The following TCF4 variants were observed in gnomAD, a reference collection of about 807,000 sequenced individuals.
TCF4 encodes the protein transcription factor 4.
Under a neutral mutation model 82.1 loss-of-function variants are expected in TCF4, and 3 were observed. That is an observed-to-expected ratio of 0.04 (90% CI 0.02 to 0.09). The LOEUF is 0.09. Among genes scored for constraint, TCF4 ranks in the 10% least tolerant of loss-of-function variants. The pLI is 1.00. For synonymous variants in TCF4, 276 were observed against 309.6 expected (o/e 0.89, Z 1.14); for missense variants, 518 against 852.7 (o/e 0.61, Z 4.89).
chr18:55,419,729 G>T (rs549046821), intron 5 of TCF4, among the ~76,000 whole-genome samples: 2 of 152,082 alleles, frequency 1.3e-5, no homozygotes, highest in East Asian at 3.9e-4. Context: ...GCTTTGATAC[G>T]CAAATGTTCT....
At chr18:55,489,285 G>C (rs1344174460) in intron 3 of TCF4, among the ~76,000 whole-genome samples, 5 of 152,136 alleles carry the variant, frequency 3.3e-5, no homozygotes, top group Admixed American at 1.3e-4. Context: ...CCAAAAGTCT[G>C]AATTTCACCA....
intron 3 of TCF4, among the ~76,000 whole-genome samples, chr18:55,539,181 A>G (rs1436247075): frequency 6.6e-6 from 1 of 152,174 alleles, no homozygotes; most frequent in Non-Finnish European, 1.5e-5. Context: ...TAGCAGATCT[A>G]TGGGCCCTAA....
intron 3 of TCF4, among the ~76,000 whole-genome samples, chr18:55,512,111 C>T (rs143696841): frequency 1.9e-3 from 289 of 152,156 alleles, no homozygotes; most frequent in African/African-American, 6.6e-3. Context: ...AAAAATAATA[C>T]AAATTGGCAC....
At chr18:55,587,337 CAAAAAAAAAAAAAAAAAAAAAAAAAAA>C (rs1159348981) in intron 1 of TCF4, 6 of 5,800 alleles carry the variant, frequency 1.0e-3, no homozygotes, top group East Asian at 4.6e-3. Flanking sequence ...GCAGCAATAG[CAAAAAAAAAAAAAAAAAAAAAAAAAAA>C]AAAAAAAAAA....
chr18:55,488,560 G>A (rs534802641), intron 3 of TCF4, among the ~76,000 whole-genome samples: 2 of 151,782 alleles, frequency 1.3e-5, no homozygotes, highest in African/African-American at 4.8e-5. Context: ...CACAACTTAA[G>A]CTGCAGCTCT....
intron 5 of TCF4, among the ~76,000 whole-genome samples, chr18:55,440,773 CGTAA>C (rs1170454340): frequency 6.6e-6 from 1 of 152,172 alleles, no homozygotes; most frequent in Non-Finnish European, 1.5e-5. Context: ...CCTCTTTCTT[CGTAA>C]GTAATTGCTC....
chr18:55,479,762 G>T (rs916858991), intron 3 of TCF4, among the ~76,000 whole-genome samples: 2 of 152,162 alleles, frequency 1.3e-5, no homozygotes, highest in African/African-American at 4.8e-5. Flanking sequence ...ATAACCCTCT[G>T]CAGTGTTAAG....
At position 55,537,003 on chromosome 18, in the gene TCF4, G is replaced by A. The variant is rs186739124; in HGVS notation, c.145+48277C>T. On this transcript the variant is annotated intron_variant, in intron 3 of 19. Transcript: ENST00000354452. ...CAGAAAATTAGCCGGGTGTGGTGGC[G>A]GGCGCCTGTAGTCCCAGCTACTGGA... is the stretch of plus-strand genomic sequence containing the variant. Among the ~76,000 whole-genome samples, 421 of 151,950 alleles carry A rather than the reference G, an allele frequency of 2.8e-3. 8 individuals are homozygous for A. The highest frequency in any genetic ancestry group is 0.024 in the Admixed American group (362 of 15,264).
At chr18:55,507,990 A>G (rs1196725177) in intron 3 of TCF4, among the ~76,000 whole-genome samples, 1 of 152,186 alleles carries the variant, frequency 6.6e-6, no homozygotes, top group Non-Finnish European at 1.5e-5. Context: ...TGTGTTGCCT[A>G]TAAAGTCTCA....
intron 11 of TCF4, among the ~76,000 whole-genome samples, chr18:55,262,152 G>A (rs2058201251): frequency 6.6e-6 from 1 of 152,102 alleles, no homozygotes; most frequent in Non-Finnish European, 1.5e-5. Context: ...AAGTCAATAT[G>A]GCCTCGAATT....
In TCF4 at chr18:55,262,770, T is replaced by C. The variant is rs909257515; in HGVS notation, c.923-1237A>G. Among the ~76,000 whole-genome samples, 4 of 152,152 alleles carry C rather than the reference T, an allele frequency of 2.6e-5. No homozygotes were observed. In the South Asian group the frequency reaches 6.2e-4, roughly 24 times the overall value. On this transcript the variant is annotated intron_variant, in intron 11 of 19. Coordinates refer to ENST00000354452, the MANE Select transcript of TCF4 (RefSeq NM_001083962.2). Reference sequence around the variant, plus strand: ...GCTTAGCATAGCTAATTTATGCTTGTTATTTTCATATATTTATATGTTGAG... The same window carrying C: ...GCTTAGCATAGCTAATTTATGCTTGCTATTTTCATATATTTATATGTTGAG...
intron 5 of TCF4, among the ~76,000 whole-genome samples, chr18:55,445,536 C>A (rs117978154): frequency 0.051 from 7,713 of 152,120 alleles, 314 homozygotes; most frequent in South Asian, 0.094. Flanking sequence ...TATTCACTAT[C>A]ACAAGAACAG....
chr18:55,365,971 G>T (rs544463679), intron 6 of TCF4, among the ~76,000 whole-genome samples: 2 of 5,350 alleles, frequency 3.7e-4, no homozygotes, highest in Admixed American at 3.0e-3. Context: ...ATTGTTTATA[G>T]ATATAGATAT....
intron 3 of TCF4, among the ~76,000 whole-genome samples, chr18:55,503,629 G>A (rs1486459101): frequency 1.3e-5 from 2 of 152,098 alleles, no homozygotes; most frequent in Non-Finnish European, 2.9e-5. Context: ...AAAATAACCA[G>A]CTCAAGAACC....
chr18:55,633,708 C>G lies in TCF4; in HGVS notation c.195+1995G>C. Among the ~76,000 whole-genome samples the G allele has an allele frequency of 6.6e-6, 1 of 151,954 alleles. No homozygotes were observed. Among genetic ancestry groups the G allele is most frequent in the Non-Finnish European group, 1.5e-5 (1 of 68,022 alleles). ...TTAAGCATTGCAGGCCATATGGTCT[C>G]TGTCACAATAATTCACCTTTGCTGT... On this transcript the variant is annotated intron_variant, in intron 1 of 20. Transcript: ENST00000398339. The surrounding 1 kb of genome is among the most constrained non-coding windows in gnomAD (Gnocchi z 4.0).
intron 3 of TCF4, chr18:55,550,756 T>C (rs796523123): frequency 5.9e-5 from 9 of 152,302 alleles, no homozygotes; most frequent in African/African-American, 2.2e-4. Context: ...TTTTCATTGA[T>C]GGTGATAAAA....
intron 8 of TCF4, chr18:55,321,936 C>A (rs1165654736): frequency 8.7e-6 from 12 of 1,378,938 alleles, no homozygotes; most frequent in Non-Finnish European, 4.7e-6. Flanking sequence ...CTCAACTTTG[C>A]GCAGCGGAGC....
intron 8 of TCF4, among the ~76,000 whole-genome samples, chr18:55,308,069 A>G (rs745900028): frequency 1.3e-5 from 2 of 152,210 alleles, no homozygotes; most frequent in Non-Finnish European, 2.9e-5. Flanking sequence ...CTAACTGGGC[A>G]CATTTGTCCA....
Position 55,465,848 on chromosome 18 carries a change from A to G in TCF4, c.146-1711T>C, listed in dbSNP as rs78744376. Among the ~76,000 whole-genome samples, 241 of 152,310 alleles carry G rather than the reference A, an allele frequency of 1.6e-3. 4 individuals are homozygous for G. The East Asian group carries it at 0.041, about 26-fold the overall frequency. On this transcript the variant is annotated intron_variant, in intron 3 of 19. Transcript: ENST00000354452. ...CATCTTGACTTTCTTTTCACCTATA[A>G]CAGCCAGCTTGGATTCATTTGAGAG...
Sources: allele counts gnomAD v4.1 joint callset (sites outside exome capture counted in the v4.1 genomes callset), GRCh38; gene constraint gnomAD v4.1.1; non-coding constraint Gnocchi (gnomAD v3.1); transcripts MANE v1.5; gene names NCBI Gene and HGNC (gene_info 2026-07-23, HGNC 2026-07-21).